Variants in GRIN2A observed in about 807,000 individuals in gnomAD.
The protein encoded by GRIN2A is glutamate ionotropic receptor NMDA type subunit 2A, also known as glutamate receptor ionotropic, NMDA 2A.
A neutral mutation model predicts 113.4 loss-of-function variants in GRIN2A; 22 were observed. The observed-to-expected ratio is 0.19, with a 90% CI of 0.14 to 0.28. The LOEUF is 0.28. Among genes scored for constraint, GRIN2A ranks in the 10% least tolerant of loss-of-function variants. GRIN2A has a pLI of 1.00. For synonymous variants in GRIN2A, 827 were observed against 738.4 expected (o/e 1.12, Z -1.94); for missense variants, 1,502 against 1,887.0 (o/e 0.80, Z 3.78).
intron 11 of GRIN2A, chr16:9,794,740 C>T (rs1263522976): frequency 1.3e-5 from 2 of 152,186 alleles, no homozygotes; most frequent in African/African-American, 4.8e-5. Context: ...CATGAACAAA[C>T]CCCTGGCCCA....
In GRIN2A at chr16:9,976,882, G is replaced by T. The variant is rs7190716; in HGVS notation, c.415-38331C>A. On this transcript the variant is annotated intron_variant, in intron 2 of 12. Transcript: ENST00000330684. ...ACAAATGACATCTGAGAACCAAGTC[G>T]TACCAGGCAAAGGCTGCCACATGAG... is the stretch of plus-strand genomic sequence containing the variant. 0.11 allele frequency among the ~76,000 whole-genome samples: 16,774 copies of T among 152,092 alleles called. 1,157 individuals carry two copies. The highest frequency in any genetic ancestry group is 0.18 in the African/African-American group (7,270 of 41,460).
intron 2 of GRIN2A, among the ~76,000 whole-genome samples, chr16:10,009,199 C>G (rs1009151823): frequency 6.6e-5 from 10 of 152,176 alleles, no homozygotes; most frequent in African/African-American, 2.4e-4. Context: ...CAAGAAACAG[C>G]AATTCCTCCA....
chr16:9,812,879 A>G (rs1171797477), intron 10 of GRIN2A, among the ~76,000 whole-genome samples: 1 of 152,180 alleles, frequency 6.6e-6, no homozygotes, highest in African/African-American at 2.4e-5. Context: ...TTTCAGGCCA[A>G]AGGCTCCACA....
chr16:9,800,159 G>C (rs1903274180), intron 10 of GRIN2A, among the ~76,000 whole-genome samples: 1 of 152,040 alleles, frequency 6.6e-6, no homozygotes, highest in Non-Finnish European at 1.5e-5. Flanking sequence ...ATTTTTAGTA[G>C]AGACAGGGTT....
chr16:9,967,869 T>C (rs1268884884), intron 2 of GRIN2A, among the ~76,000 whole-genome samples: 1 of 152,144 alleles, frequency 6.6e-6, no homozygotes, highest in Admixed American at 6.5e-5. Flanking sequence ...AAAGCACCTG[T>C]ACCCCAAAAA....
At chr16:9,806,885 T>C (rs1400493344) in intron 10 of GRIN2A, among the ~76,000 whole-genome samples, 1 of 152,084 alleles carries the variant, frequency 6.6e-6, no homozygotes, top group Non-Finnish European at 1.5e-5. Flanking sequence ...GTAGCTCTCA[T>C]AATTCCCACC....
intron 2 of GRIN2A, among the ~76,000 whole-genome samples, chr16:10,022,333 G>A (rs989651403): frequency 5.4e-5 from 8 of 148,708 alleles, no homozygotes; most frequent in East Asian, 2.0e-4. Context: ...ACGCACACAC[G>A]CAAGCACGCA....
chr16:10,006,885 T>A (rs1484472573), intron 2 of GRIN2A, among the ~76,000 whole-genome samples: 3 of 152,184 alleles, frequency 2.0e-5, no homozygotes, highest in Non-Finnish European at 2.9e-5. Flanking sequence ...ACATGCAAAG[T>A]TTGTCTTTCT....
chr16:9,824,252 G>C (rs774381479), intron 9 of GRIN2A, among the ~76,000 whole-genome samples: 47 of 152,188 alleles, frequency 3.1e-4, no homozygotes, highest in Admixed American at 2.0e-3. Context: ...GTGTGTGTAT[G>C]TGAACAGCAA....
At chr16:10,064,915 A>ATC (rs564934506) in intron 2 of GRIN2A, among the ~76,000 whole-genome samples, 48 of 152,344 alleles carry the variant, frequency 3.2e-4, no homozygotes, top group Admixed American at 9.8e-4. Context: ...AAACGGACGA[A>ATC]TCCCCATGCC....
At chr16:9,968,335 T>C (rs1485062689) in intron 2 of GRIN2A, among the ~76,000 whole-genome samples, 5 of 152,168 alleles carry the variant, frequency 3.3e-5, no homozygotes, top group Non-Finnish European at 7.3e-5. Context: ...TATTTAGAGA[T>C]GGAGTTTCGC....
intron 4 of GRIN2A, among the ~76,000 whole-genome samples, chr16:9,876,129 G>A (rs2141439712): frequency 6.6e-6 from 1 of 152,120 alleles, no homozygotes; most frequent in East Asian, 1.9e-4. Flanking sequence ...CTAAGCCCAG[G>A]GCATAAAACC....
chr16:10,131,568 C>T (rs1191853352), intron 2 of GRIN2A, among the ~76,000 whole-genome samples: 1 of 151,900 alleles, frequency 6.6e-6, no homozygotes, highest in East Asian at 1.9e-4. Context: ...AGAGAGGCTT[C>T]AAATGCATTG....
chr16:10,050,546 C>T (rs1486914079), intron 2 of GRIN2A, among the ~76,000 whole-genome samples: 1 of 151,702 alleles, frequency 6.6e-6, no homozygotes, highest in East Asian at 1.9e-4. Flanking sequence ...GCCTGTTGAT[C>T]TATCACTACC....
chr16:9,857,248 G>GA (rs1214628145), intron 4 of GRIN2A, among the ~76,000 whole-genome samples: 1 of 152,122 alleles, frequency 6.6e-6, no homozygotes, highest in Non-Finnish European at 1.5e-5. Context: ...GGATGGAACA[G>GA]AAAAAGATTA....
Position 10,091,546 on chromosome 16 carries a change from G to A in GRIN2A, c.414+88452C>T, listed in dbSNP as rs75278338. ...TGTATACCTGTAGTCCCAGCTACTC[G>A]TGAGGCTGAGGTGGGAGGATTGCTT... On this transcript the variant is annotated intron_variant, in intron 2 of 12. Coordinates refer to ENST00000330684, the MANE Select transcript of GRIN2A (RefSeq NM_001134407.3). Among the ~76,000 whole-genome samples the A allele has an allele frequency of 1.5e-3, 230 of 152,190 alleles. No individual in the cohort carries two copies. The Middle Eastern group carries it at 0.017, about 11-fold the overall frequency.
rs77459195 is a variant in GRIN2A, at chr16:10,101,948, G to C, written c.414+78050C>G. On this transcript the variant is annotated intron_variant, in intron 2 of 12. Transcript: ENST00000330684. ...CACTTTTGTGTAGGCAAGGGTGACA[G>C]GAAAAGCTGAAAACATGGTGGTAAT... 3.3e-5 allele frequency among the ~76,000 whole-genome samples: 5 copies of C among 152,298 alleles called. No homozygotes were observed. The East Asian group carries it at 9.6e-4, about 29-fold the overall frequency.
chr16:9,948,538 C>A (rs2045081485), intron 2 of GRIN2A, among the ~76,000 whole-genome samples: 1 of 152,208 alleles, frequency 6.6e-6, no homozygotes, highest in Non-Finnish European at 1.5e-5. Flanking sequence ...CTGTCCATCC[C>A]AGGGAGGACT....
chr16:9,890,524 CA>C (rs745533661), intron 4 of GRIN2A, among the ~76,000 whole-genome samples: 68 of 152,242 alleles, frequency 4.5e-4, no homozygotes, highest in Non-Finnish European at 8.4e-4. Flanking sequence ...TCATGATTTA[CA>C]GAAGTGATAC....
Sources: allele counts gnomAD v4.1 joint callset (sites outside exome capture counted in the v4.1 genomes callset), GRCh38; gene constraint gnomAD v4.1.1; transcripts MANE v1.5; gene names NCBI Gene and HGNC (gene_info 2026-07-23, HGNC 2026-07-21).